The following THSD4 variants were observed in gnomAD, a reference collection of about 807,000 sequenced individuals.
THSD4 encodes the protein thrombospondin type 1 domain containing 4.
A neutral mutation model predicts 119.0 loss-of-function variants in THSD4; 69 were observed. The observed-to-expected ratio is 0.58, with a 90% confidence interval of 0.48 to 0.71. THSD4 has a LOEUF of 0.71. Ranked by LOEUF, THSD4 falls within the 30% of genes least tolerant of loss-of-function variation. The pLI is 0.00. For synonymous variants in THSD4, 524 were observed against 540.4 expected (o/e 0.97, Z 0.42); for missense variants, 1,393 against 1,391.1 (o/e 1.00, Z -0.02).
intron 6 of THSD4, among the ~76,000 whole-genome samples, chr15:71,336,585 C>T (rs2045492389): frequency 6.6e-6 from 1 of 152,204 alleles, no homozygotes; most frequent in African/African-American, 2.4e-5. Flanking sequence ...TGAAGTACCA[C>T]ATGTTCAAAT....
In THSD4 at chr15:71,779,036, A is replaced by G. The variant is rs1040046163; in HGVS notation, c.*1662A>G. 4 of 152,230 alleles carry G rather than the reference A, an allele frequency of 2.6e-5. No individual in the cohort carries two copies. Among genetic ancestry groups the G allele is most frequent in the African/African-American group, 9.6e-5 (4 of 41,462 alleles). 9.4% of individuals were successfully genotyped at this position (152,230 alleles called of 1,614,324 possible). A position where few individuals can be genotyped will look rare whatever the true frequency, so the allele number is the denominator to read the frequency against. On this transcript the variant is annotated 3_prime_UTR_variant, in exon 18 of 18. Coordinates refer to ENST00000261862, the MANE Select transcript of THSD4 (RefSeq NM_024817.3). ...CCCCCATTTGCTCTTTTAGCTGACA[A>G]ATCTGCCACTGTGATGATGGTTTGC... is the stretch of plus-strand genomic sequence containing the variant.
At chr15:71,499,046 A>G (rs906969655) in intron 7 of THSD4, among the ~76,000 whole-genome samples, 2 of 151,626 alleles carry the variant, frequency 1.3e-5, no homozygotes, top group African/African-American at 4.8e-5. Context: ...AAGCTCAAGA[A>G]CCCTCATTAG....
chr15:71,201,161 C>T (rs576352065), intron 3 of THSD4, among the ~76,000 whole-genome samples: 1 of 151,532 alleles, frequency 6.6e-6, no homozygotes, highest in East Asian at 1.9e-4. Flanking sequence ...GACCAACACT[C>T]CCAAGTGGTT....
intron 3 of THSD4, chr15:71,189,040 A>C (rs1004877756): frequency 1.3e-5 from 2 of 152,216 alleles, no homozygotes; most frequent in Non-Finnish European, 2.9e-5. Context: ...CTTTCTTTCA[A>C]CTAGAATCAT....
chr15:71,660,405 A>G, intron 7 of THSD4, 125 bp from the exon 8 acceptor site: 3 of 1,141,594 alleles, frequency 2.6e-6, no homozygotes, highest in East Asian at 2.4e-5. Flanking sequence ...CTCCCACCCC[A>G]CTCCTAGAAT....
chr15:71,317,181 A>G (rs778228577), intron 6 of THSD4, among the ~76,000 whole-genome samples: 7 of 152,206 alleles, frequency 4.6e-5, no homozygotes, highest in Non-Finnish European at 8.8e-5. Flanking sequence ...CATATTTGTG[A>G]TGGAGAGCAT....
intron 6 of THSD4, among the ~76,000 whole-genome samples, chr15:71,379,705 G>A (rs576192062): frequency 2.0e-5 from 3 of 151,536 alleles, no homozygotes; most frequent in Admixed American, 6.6e-5. Flanking sequence ...TGATCCACCC[G>A]CCTCGGCCTC....
chr15:71,495,346 G>A (rs934465497), intron 7 of THSD4, among the ~76,000 whole-genome samples: 9 of 152,150 alleles, frequency 5.9e-5, no homozygotes, highest in Non-Finnish European at 1.3e-4. Flanking sequence ...CCCGCAAGTA[G>A]ACAGTGGCCC....
chr15:71,103,199 G>A (rs888450768), intron 1 of THSD4, among the ~76,000 whole-genome samples: 4 of 150,708 alleles, frequency 2.7e-5, no homozygotes, highest in African/African-American at 9.8e-5. Context: ...ATTTTTGCGA[G>A]TCCAAACCTG....
intron 6 of THSD4, among the ~76,000 whole-genome samples, chr15:71,395,759 GA>G (rs1331888423): frequency 2.0e-5 from 3 of 151,952 alleles, no homozygotes; most frequent in Non-Finnish European, 4.4e-5. Flanking sequence ...CCAAAAAAAA[GA>G]TGGTGCGAGC....
chr15:71,127,488 A>G lies in THSD4; in HGVS notation c.-80+11790A>G, dbSNP rs117625709. ...ATTTTTAGTTCTTTGAGGAAGCTCT[A>G]TACAATTTTCCATAATGGCTGTACT... On this transcript the variant is annotated intron_variant, in intron 1 of 17. Coordinates refer to ENST00000261862, the MANE Select transcript of THSD4 (RefSeq NM_024817.3). Among the ~76,000 whole-genome samples, 807 of 152,344 alleles carry G rather than the reference A, an allele frequency of 5.3e-3. 22 individuals are homozygous for G. The highest frequency in any genetic ancestry group is 0.038 in the Admixed American group (583 of 15,302).
chr15:71,641,647 T>G (rs1384878884), intron 7 of THSD4, among the ~76,000 whole-genome samples: 9 of 152,114 alleles, frequency 5.9e-5, no homozygotes, highest in African/African-American at 2.2e-4. Flanking sequence ...TCATTTCTAC[T>G]TATGGTGATT....
intron 3 of THSD4, among the ~76,000 whole-genome samples, chr15:71,198,467 C>T (rs962423276): frequency 2.6e-5 from 4 of 152,224 alleles, no homozygotes; most frequent in African/African-American, 9.6e-5. Context: ...ATCCAGGACA[C>T]TGAGAATTCT....
At chr15:71,663,412 G>T (rs1018459990) in intron 8 of THSD4, among the ~76,000 whole-genome samples, 11 of 152,194 alleles carry the variant, frequency 7.2e-5, no homozygotes, top group Admixed American at 7.2e-4. Flanking sequence ...AGAAACAAAA[G>T]AGCAGGCTCT....
At chr15:71,684,684 T>C (rs572357311) in intron 8 of THSD4, among the ~76,000 whole-genome samples, 12 of 152,126 alleles carry the variant, frequency 7.9e-5, no homozygotes, top group Non-Finnish European at 1.8e-4. Flanking sequence ...GCTAGGACCT[T>C]ATTTGGGATT....
chr15:71,097,577 AC>A (rs2040236174), intron 1 of THSD4, among the ~76,000 whole-genome samples: 2 of 148,008 alleles, frequency 1.4e-5, no homozygotes, highest in Admixed American at 1.3e-4. Context: ...AAAAAAAAAA[AC>A]AACAACAACC....
intron 16 of THSD4, 99 bp from the exon 17 acceptor site, chr15:71,770,964 CT>C: frequency 6.6e-7 from 1 of 1,517,194 alleles, no homozygotes; most frequent in Non-Finnish European, 8.8e-7. Context: ...ATTCTGTCTC[CT>C]TTTGGAAATG....
chr15:71,531,319 T>C (rs2085261248), intron 7 of THSD4, among the ~76,000 whole-genome samples: 1 of 152,192 alleles, frequency 6.6e-6, no homozygotes, highest in Non-Finnish European at 1.5e-5. Context: ...TTTTAAAATA[T>C]CATTCTACTC....
chr15:71,455,081 A>G (rs1248871122), intron 7 of THSD4, among the ~76,000 whole-genome samples: 1 of 152,158 alleles, frequency 6.6e-6, no homozygotes, highest in Non-Finnish European at 1.5e-5. Context: ...ATTTTCTACC[A>G]TGAGAAAATT....
Sources: allele counts gnomAD v4.1 joint callset (sites outside exome capture counted in the v4.1 genomes callset), GRCh38; gene constraint gnomAD v4.1.1; transcripts MANE v1.5; gene names NCBI Gene and HGNC (gene_info 2026-07-23, HGNC 2026-07-21).